The following SUPT3H variants were observed in gnomAD, a reference collection of about 807,000 sequenced individuals.
SUPT3H encodes the protein SPT3 homolog, SAGA and STAGA complex component, also known as transcription initiation protein SPT3 homolog.
A neutral mutation model predicts 44.3 loss-of-function variants in SUPT3H; 44 were observed. The observed-to-expected ratio is 0.99, with a 90% confidence interval of 0.78 to 1.28. The LOEUF (loss-of-function observed/expected upper bound fraction) is 1.28, where lower values mean the gene tolerates loss of function less well. SUPT3H is among the 50% of genes most tolerant of loss of function. SUPT3H has a pLI of 0.00. For missense variants in SUPT3H, 380 were observed against 387.1 expected (o/e 0.98, Z 0.15); for synonymous variants, 124 against 125.6 (o/e 0.99, Z 0.09).
At chr6:44,979,832 G>C (rs1005705490) in intron 6 of SUPT3H, among the ~76,000 whole-genome samples, 1 of 152,096 alleles carries the variant, frequency 6.6e-6, no homozygotes, top group Non-Finnish European at 1.5e-5. Flanking sequence ...CGCAATTACT[G>C]TCAAACAGAT....
intron 10 of SUPT3H, among the ~76,000 whole-genome samples, chr6:44,911,595 T>C (rs1362701183): frequency 6.6e-6 from 1 of 152,242 alleles, no homozygotes; most frequent in African/African-American, 2.4e-5. Flanking sequence ...ATTATAATTT[T>C]TTGAAAATTT....
At position 44,923,739 on chromosome 6, in the gene SUPT3H, G is replaced by A. The variant is rs544507523; in HGVS notation, c.912+8914C>T. On this transcript the variant is annotated intron_variant, in intron 10 of 10. Transcript: ENST00000371459. Reference sequence around the variant, plus strand: ...TAATTTCTTATAAACAAATGTACTGGCTGCCCCAAGGTAAGATATTGCTGC... The same window carrying A: ...TAATTTCTTATAAACAAATGTACTGACTGCCCCAAGGTAAGATATTGCTGC... Among the ~76,000 whole-genome samples, 3 of 152,020 alleles carry A rather than the reference G, an allele frequency of 2.0e-5. No homozygotes were observed. In the East Asian group the frequency reaches 5.8e-4, roughly 29 times the overall value.
intron 10 of SUPT3H, among the ~76,000 whole-genome samples, chr6:44,928,903 A>AAAAAAAAAAAAAAAAAAAAAAAAAC (rs1770049120): frequency 1.8e-5 from 1 of 56,554 alleles, no homozygotes; most frequent in African/African-American, 7.9e-5. Context: ...AAAAAAAAAA[A>AAAAAAAAAAAAAAAAAAAAAAAAAC]AGAAAAGAAA....
intron 2 of SUPT3H, among the ~76,000 whole-genome samples, chr6:45,324,364 A>G (rs901644282): frequency 6.6e-6 from 1 of 152,096 alleles, no homozygotes; most frequent in Non-Finnish European, 1.5e-5. Flanking sequence ...CTATAATCAG[A>G]TGCCAATACT....
intron 1 of SUPT3H, among the ~76,000 whole-genome samples, chr6:45,376,728 A>C (rs753591389): frequency 5.3e-5 from 8 of 152,208 alleles, no homozygotes; most frequent in Non-Finnish European, 8.8e-5. Context: ...CCTCTTTGAA[A>C]CATTCACCAG....
chr6:45,374,487 C>T (rs1272750731), intron 1 of SUPT3H, among the ~76,000 whole-genome samples: 1 of 152,150 alleles, frequency 6.6e-6, no homozygotes, highest in African/African-American at 2.4e-5. Context: ...AGCGAGAACT[C>T]AAATCAAGTG....
At chr6:45,052,622 C>T (rs1790474986) in intron 3 of SUPT3H, among the ~76,000 whole-genome samples, 1 of 152,102 alleles carries the variant, frequency 6.6e-6, no homozygotes. Context: ...AAAACAAAAC[C>T]TCTACATAAA....
In SUPT3H at chr6:44,974,770, G is replaced by A. The variant is rs963470709; in HGVS notation, c.505-12942C>T. 2.2e-4 allele frequency among the ~76,000 whole-genome samples: 33 copies of A among 152,112 alleles called. 1 individual carries two copies. The highest frequency in any genetic ancestry group is 4.8e-5 in the African/African-American group (2 of 41,406). Reference sequence around the variant, plus strand: ...GCTCCTAAAACAGACTAGAACAAATGTTGCTATATTTAACTTCCCTGAGTC... The same window carrying A: ...GCTCCTAAAACAGACTAGAACAAATATTGCTATATTTAACTTCCCTGAGTC... On this transcript the variant is annotated intron_variant, in intron 6 of 10. Transcript: ENST00000371459.
chr6:44,912,204 C>T (rs980979527), intron 10 of SUPT3H, among the ~76,000 whole-genome samples: 2 of 152,082 alleles, frequency 1.3e-5, no homozygotes, highest in African/African-American at 2.4e-5. Context: ...TTCATCATCC[C>T]GAACAGAAGT....
chr6:44,878,196 T>C (rs1230995360), intron 10 of SUPT3H, among the ~76,000 whole-genome samples: 4 of 152,214 alleles, frequency 2.6e-5, no homozygotes, highest in African/African-American at 9.6e-5. Flanking sequence ...TAAAGTAATA[T>C]AGAGCAGTGT....
intron 2 of SUPT3H, among the ~76,000 whole-genome samples, chr6:45,349,764 T>C (rs992193322): frequency 6.6e-6 from 1 of 152,226 alleles, no homozygotes; most frequent in African/African-American, 2.4e-5. Context: ...AGGTCATCTG[T>C]CAGAATATAA....
intron 10 of SUPT3H, among the ~76,000 whole-genome samples, chr6:44,915,276 T>C (rs1767642890): frequency 6.6e-6 from 1 of 152,228 alleles, no homozygotes; most frequent in Non-Finnish European, 1.5e-5. Flanking sequence ...GAAAAGTATG[T>C]AACTATCAGA....
chr6:45,043,140 C>CAT (rs1265426253), intron 3 of SUPT3H, among the ~76,000 whole-genome samples: 1 of 93,200 alleles, frequency 1.1e-5, no homozygotes, highest in Non-Finnish European at 2.2e-5. Flanking sequence ...TACATACACA[C>CAT]ATACACACAC....
At chr6:45,354,277 A>C (rs1325346652) in intron 2 of SUPT3H, among the ~76,000 whole-genome samples, 1 of 152,182 alleles carries the variant, frequency 6.6e-6, no homozygotes, top group Non-Finnish European at 1.5e-5. Context: ...TATGATAGAT[A>C]TACACACAAT....
chr6:44,900,170 T>C (rs1764744189), intron 10 of SUPT3H, among the ~76,000 whole-genome samples: 1 of 152,132 alleles, frequency 6.6e-6, no homozygotes, highest in Admixed American at 6.5e-5. Flanking sequence ...TGTCGTAAAG[T>C]GGGTGCAGGA....
At chr6:45,146,797 T>C (rs1167067974) in intron 2 of SUPT3H, among the ~76,000 whole-genome samples, 9 of 152,150 alleles carry the variant, frequency 5.9e-5, no homozygotes, top group Non-Finnish European at 1.2e-4. Context: ...TAAGATTTTC[T>C]TTATTCAATT....
intron 2 of SUPT3H, among the ~76,000 whole-genome samples, chr6:45,332,627 C>T (rs1787740442): frequency 6.6e-6 from 1 of 151,730 alleles, no homozygotes; most frequent in Non-Finnish European, 1.5e-5. Flanking sequence ...ACTGCAAATA[C>T]TATTACCTAA....
chr6:45,306,449 T>C (rs2149960193), intron 2 of SUPT3H, among the ~76,000 whole-genome samples: 1 of 152,220 alleles, frequency 6.6e-6, no homozygotes, highest in South Asian at 2.1e-4. Flanking sequence ...CTACACAGAT[T>C]ACCCAGCTTG....
Position 44,875,343 on chromosome 6 carries a change from T to C in SUPT3H, c.913-45486A>G, listed in dbSNP as rs1582135758. Among the ~76,000 whole-genome samples the C allele has an allele frequency of 8.1e-5, 4 of 49,416 alleles. No individual in the cohort carries two copies. In the East Asian group the frequency reaches 2.0e-3, roughly 24 times the overall value. 32.4% of individuals were successfully genotyped at this position (49,416 alleles called of 152,430 possible). A position where few individuals can be genotyped will look rare whatever the true frequency, so the allele number is the denominator to read the frequency against. On this transcript the variant is annotated intron_variant, in intron 10 of 10. Transcript: ENST00000371459. ...AACAGAACAGAGCCCTCAGAAATAA[T>C]GCCGCATATCTACAACTATCTGATC...
Sources: gnomAD v4.1 joint callset for allele counts (sites outside exome capture counted in the v4.1 genomes callset) on GRCh38, gnomAD v4.1.1 for gene constraint, MANE v1.5 for transcripts, NCBI Gene and HGNC (gene_info 2026-07-23, HGNC 2026-07-21) for gene names.